Variants in SETX observed in about 807,000 individuals in gnomAD.
SETX encodes the protein senataxin.
SETX carries 90 observed loss-of-function variants against 227.2 expected under a neutral mutation model. That is an observed-to-expected ratio of 0.40 (90% CI 0.33 to 0.47). The LOEUF (loss-of-function observed/expected upper bound fraction) is 0.47, where lower values mean the gene tolerates loss of function less well. Ranked by LOEUF, SETX falls within the 20% of genes least tolerant of loss-of-function variation. The pLI is 0.91. For synonymous variants in SETX, 1,210 were observed against 1,113.2 expected (o/e 1.09, Z -1.73); for missense variants, 3,052 against 3,181.5 (o/e 0.96, Z 0.98).
chr9:132,305,530 T>C (rs186540404), intron 11 of SETX, among the ~76,000 whole-genome samples: 1 of 152,050 alleles, frequency 6.6e-6, no homozygotes, highest in Non-Finnish European at 1.5e-5. Flanking sequence ...CAAGTTAGTA[T>C]CACCAGCAAT....
At position 132,329,092 on chromosome 9, in the gene SETX, C is replaced by A. The variant is rs777034128; in HGVS notation, c.2506G>T (p.Gly836Cys). ...RKDTGVQKGD[G>C]FIHNLSLDPS... ...TCTAAAGAAAGATTGTGTATGAAAC[C>A]ATCTCCTTTCTGAACTCCTGTATCT... Residue 836 changes from glycine to cysteine, a missense_variant, in exon 10 of 26, where the codon GGT becomes TGT. By Grantham distance (159) the Gly-to-Cys change is radical (BLOSUM62 -3). Coordinates refer to ENST00000224140, the MANE Select transcript of SETX (RefSeq NM_015046.7). 6.2e-7 allele frequency: 1 copy of A among 1,610,146 alleles called. No individual in the cohort carries two copies. Among genetic ancestry groups the A allele is most frequent in the Non-Finnish European group, 8.5e-7 (1 of 1,179,426 alleles).
At chr9:132,311,395 T>C (rs903305845) in intron 11 of SETX, among the ~76,000 whole-genome samples, 2 of 152,140 alleles carry the variant, frequency 1.3e-5, no homozygotes, top group African/African-American at 4.8e-5. Context: ...AAAAGTGGTA[T>C]GTGGTTCGGA....
chr9:132,316,797 G>A (rs575974868), intron 10 of SETX, among the ~76,000 whole-genome samples: 47 of 152,194 alleles, frequency 3.1e-4, no homozygotes, highest in Non-Finnish European at 4.7e-4. Context: ...CGCCTGCCCC[G>A]TGCCACTCTC....
chr9:132,282,820 T>C (rs1843620647), intron 19 of SETX: 1 of 172,324 alleles, frequency 5.8e-6, no homozygotes, highest in Non-Finnish European at 1.3e-5. Flanking sequence ...TTCTCTGGTA[T>C]CTCCTGCTCC....
Position 132,278,111 on chromosome 9 carries a change from G to C in SETX, c.6801C>G (p.Phe2267Leu). 6.2e-7 allele frequency: 1 copy of C among 1,614,072 alleles called. No homozygotes were observed. The highest frequency in any genetic ancestry group is 8.5e-7 in the Non-Finnish European group (1 of 1,179,978). ...TTCTGTTATAAACATAATTAGAAGGGAAGAGGCATATGTCTGGATGCATCC... is the reference window on the plus strand; with the variant it reads ...TTCTGTTATAAACATAATTAGAAGGCAAGAGGCATATGTCTGGATGCATCC... ...QYRMHPDICL[F>L]PSNYVYNRNL... The change falls in exon 21 of 26, where the codon TTC (phenylalanine) becomes TTG (leucine). Residue 2267 changes from phenylalanine to leucine, a missense_variant. Around this residue, in one of 10 missense-constraint regions of SETX, gnomAD observed 412 missense variants for 589.0 expected, o/e 0.70. Transcript: ENST00000224140.
At position 132,342,804 on chromosome 9, in the gene SETX, A is replaced by G. The variant is rs1454505220; in HGVS notation, c.389-5T>C. On this transcript the variant is annotated splice_region_variant and splice_polypyrimidine_tract_variant and intron_variant, in intron 4 of 25. Transcript: ENST00000224140. ...GTGCTTCAACACATAACTCGTCTAA[A>G]AAGAAAAAAATAAGTAAAATACATA... 1.9e-6 allele frequency: 3 copies of G among 1,602,126 alleles called. No homozygotes were observed. Among genetic ancestry groups the G allele is most frequent in the Non-Finnish European group, 1.7e-6 (2 of 1,169,878 alleles).
chr9:132,350,885 C>T (rs929107148), intron 2 of SETX, among the ~76,000 whole-genome samples: 4 of 152,132 alleles, frequency 2.6e-5, no homozygotes, highest in African/African-American at 9.7e-5. Context: ...ACATGAGTTA[C>T]ACAGTTCTCA....
chr9:132,327,563 A>C lies in SETX; in HGVS notation c.4035T>G (p.Ser1345Arg). 6.2e-7 allele frequency: 1 copy of C among 1,614,114 alleles called. No homozygotes were observed. The highest frequency in any genetic ancestry group is 8.5e-7 in the Non-Finnish European group (1 of 1,180,038). Residue 1345 changes from serine (S) to arginine (R), a missense_variant, in exon 10 of 26, where the codon AGT becomes AGG. By Grantham distance (110) the Ser-to-Arg change is moderately radical. Transcript: ENST00000224140. ...TCTGCCTTTGCATCTGAAGTTCTTG[A>C]CTAGTCAGAAGTTTCTTATTATTTC... The part of the protein sequence containing the change: ...SVRNNKKLLT[S>R]QELQMQRQIR...
At position 132,326,608 on chromosome 9, in the gene SETX, G is replaced by C. The variant is rs1446905721; in HGVS notation, c.4990C>G (p.Pro1664Ala). 1 of 1,614,092 alleles carries C rather than the reference G, an allele frequency of 6.2e-7. No homozygotes were observed. Among genetic ancestry groups the C allele is most frequent in the Non-Finnish European group, 8.5e-7 (1 of 1,180,044 alleles). ...CAACCTTGCCTGTTGGAATTATTCG[G>C]AGACTGAGGATGAAGAACATTGCAC... ...NSCNVLHPQS[P>A]NNSNRQGCKV... Residue 1664 changes from proline to alanine, a missense_variant, in exon 10 of 26, where the codon CCG becomes GCG. Physicochemically the swap from Pro to Ala is conservative, Grantham distance 27. Transcript: ENST00000224140.
chr9:132,283,276 G>T lies in SETX; in HGVS notation c.6534C>A (p.Val2178=). The T allele has an allele frequency of 1.2e-6, 2 of 1,614,078 alleles. No individual in the cohort carries two copies. Among genetic ancestry groups the T allele is most frequent in the Non-Finnish European group, 1.7e-6 (2 of 1,180,012 alleles). Residue 2178 remains valine, a synonymous_variant, in exon 19 of 26, where the codon GTC becomes GTA. Transcript: ENST00000224140. ...RGQGGVPFSC[V]IVDEAGQSCE... ...ACCGTTCACTGACCTCATCAACAATGACACAGCTGAAGGGGACACCCCCTT... is the reference window on the plus strand; with the variant it reads ...ACCGTTCACTGACCTCATCAACAATTACACAGCTGAAGGGGACACCCCCTT...
At chr9:132,335,198 G>C (rs561068647) in intron 6 of SETX, among the ~76,000 whole-genome samples, 34 of 151,816 alleles carry the variant, frequency 2.2e-4, no homozygotes, top group Admixed American at 8.5e-4. Context: ...AGACCATCCT[G>C]GCTAACATGG....
chr9:132,352,338 C>T (rs560828538), intron 2 of SETX, among the ~76,000 whole-genome samples: 32 of 152,292 alleles, frequency 2.1e-4, no homozygotes, highest in African/African-American at 7.0e-4. Context: ...CTAAAGTTTT[C>T]GAAGGCTTGT....
chr9:132,270,977 A>C (rs944708280), intron 24 of SETX, among the ~76,000 whole-genome samples: 3 of 152,240 alleles, frequency 2.0e-5, no homozygotes, highest in African/African-American at 7.2e-5. Flanking sequence ...TTTGAAAACG[A>C]ACTAATTTAT....
intron 17 of SETX, among the ~76,000 whole-genome samples, chr9:132,286,995 C>T (rs1843941161): frequency 6.6e-6 from 1 of 152,202 alleles, no homozygotes; most frequent in African/African-American, 2.4e-5. Context: ...TGACACTCAC[C>T]TTTCTCAGAA....
intron 2 of SETX, among the ~76,000 whole-genome samples, chr9:132,351,231 G>A (rs1735739992): frequency 6.6e-6 from 1 of 152,110 alleles, no homozygotes; most frequent in Admixed American, 6.6e-5. Context: ...CTTCATGGAG[G>A]TTTCTCAAAC....
At chr9:132,333,416 T>TATATATATATATAC (rs779955041) in intron 7 of SETX, among the ~76,000 whole-genome samples, 1 of 88,092 alleles carries the variant, frequency 1.1e-5, no homozygotes, top group African/African-American at 5.2e-5. Flanking sequence ...AAAATATATA[T>TATATATATATATAC]ACACACACAC....
intron 17 of SETX, 108 bp from the exon 18 acceptor site, chr9:132,286,602 A>G: frequency 2.5e-6 from 2 of 793,702 alleles, no homozygotes; most frequent in Non-Finnish European, 4.3e-6. Context: ...CCAATGAAAA[A>G]TGTATTTACC....
rs3813393 is a variant in SETX at position 132,312,307 on chromosome 9, A to T, written c.5275-451T>A. On this transcript the variant is annotated intron_variant, in intron 10 of 25. Coordinates refer to ENST00000224140, the MANE Select transcript of SETX (RefSeq NM_015046.7). ...TTTCTCACCAACATGTCATCCTGCCAGTTTATAAAATGCTCTATACCCATC... is the reference window on the plus strand; with the variant it reads ...TTTCTCACCAACATGTCATCCTGCCTGTTTATAAAATGCTCTATACCCATC... Among the ~76,000 whole-genome samples, 3 of 152,098 alleles carry T rather than the reference A, an allele frequency of 2.0e-5. No homozygotes were observed. In the South Asian group the frequency reaches 6.2e-4, roughly 31 times the overall value.
rs151011189 is a variant in SETX at position 132,316,293 on chromosome 9, T to C, written c.5275-4437A>G. ...AAACTATTTGTTGTCCATCTTCTAC[T>C]GATTTCCCTGTTTTTTGCTGTCGAT... On this transcript the variant is annotated intron_variant, in intron 10 of 25. Transcript: ENST00000224140. 3.5e-4 allele frequency among the ~76,000 whole-genome samples: 53 copies of C among 152,372 alleles called. 1 individual carries two copies. The East Asian group carries it at 0.01, about 29-fold the overall frequency.
Sources: gnomAD v4.1 joint callset for allele counts (sites outside exome capture counted in the v4.1 genomes callset) on GRCh38, gnomAD v4.1.1 for gene constraint, gnomAD v4.1.1 regional missense constraint, MANE v1.5 for transcripts, NCBI Gene and HGNC (gene_info 2026-07-23, HGNC 2026-07-21) for gene names.